Variants in LRP8 observed in about 807,000 individuals in gnomAD.
LRP8 encodes low-density lipoprotein receptor-related protein 8.
Under a neutral mutation model 111.6 loss-of-function variants are expected in LRP8, and 46 were observed. The observed-to-expected ratio is 0.41, with a 90% CI of 0.33 to 0.53. The LOEUF (loss-of-function observed/expected upper bound fraction) is 0.53, where lower values mean the gene tolerates loss of function less well. Ranked by LOEUF, LRP8 falls within the 20% of genes least tolerant of loss-of-function variation. LRP8 has a pLI of 0.20. For synonymous variants in LRP8, 464 were observed against 511.2 expected (o/e 0.91, Z 1.24); for missense variants, 959 against 1,297.4 (o/e 0.74, Z 4.01).
chr1:53,299,747 A>C (rs2782499), intron 2 of LRP8, among the ~76,000 whole-genome samples: 1 of 152,030 alleles, frequency 6.6e-6, no homozygotes, highest in African/African-American at 2.4e-5. Context: ...CTGAGAATGG[A>C]GTTAGCAATG....
rs1646885183 is a variant in LRP8, at chr1:53,275,352, A to G, written c.1006+279T>C. 6.6e-6 allele frequency among the ~76,000 whole-genome samples: 1 copy of G among 152,172 alleles called. No homozygotes were observed. Among genetic ancestry groups the G allele is most frequent in the Non-Finnish European group, 1.5e-5 (1 of 68,018 alleles). On this transcript the variant is annotated intron_variant, in intron 6 of 18. Coordinates refer to ENST00000306052, the MANE Select transcript of LRP8 (RefSeq NM_004631.5). The surrounding 1 kb of genome is among the most constrained non-coding windows in gnomAD (Gnocchi z 4.4). ...GAACTAGTGAGGGAAGCCACTCACC[A>G]GCTGGGACCTGGACAAGTGGTGGGG... is the stretch of plus-strand genomic sequence containing the variant.
intron 2 of LRP8, among the ~76,000 whole-genome samples, chr1:53,326,534 C>G (rs755462060): frequency 6.6e-6 from 1 of 152,274 alleles, no homozygotes; most frequent in Non-Finnish European, 1.5e-5. Flanking sequence ...CCGAGAGGGC[C>G]GTGTTTCGGG....
At chr1:53,272,578 C>T in intron 6 of LRP8, 1 of 1,291,030 alleles carries the variant, frequency 7.7e-7, no homozygotes, top group Non-Finnish European at 1.0e-6. Flanking sequence ...CCAGCCTGAG[C>T]CATGCTTAGG....
chr1:53,300,812 T>C (rs1202803969), intron 2 of LRP8, among the ~76,000 whole-genome samples: 1 of 152,128 alleles, frequency 6.6e-6, no homozygotes, highest in African/African-American at 2.4e-5. Flanking sequence ...TTCCAGACCG[T>C]CTCAGTAGTT....
intron 2 of LRP8, among the ~76,000 whole-genome samples, chr1:53,311,354 C>G (rs530725173): frequency 3.9e-5 from 6 of 152,256 alleles, no homozygotes; most frequent in African/African-American, 1.4e-4. Context: ...ACCCTTTGCC[C>G]ACTTTCTTGT....
Position 53,276,979 on chromosome 1 carries a change from C to T in LRP8, c.596G>A (p.Arg199His). The change falls in exon 5 of 19, where the codon CGC becomes CAC. Residue 199 changes from arginine (R) to histidine (H), a missense_variant. Arg to His is a conservative substitution (Grantham distance 29, BLOSUM62 0). Around this residue, in one of 3 missense-constraint regions of LRP8, gnomAD observed 819 missense variants for 1,097.6 expected, o/e 0.75. Transcript: ENST00000306052. ...CCCGCAGGCCGGGTCTGCACAGCCG[C>T]GCTCATCGCTGCCGTCACCACAGTC... The part of the protein sequence containing the change: ...DDDCGDGSDE[R>H]GCADPACGPR... 1.3e-6 allele frequency: 2 copies of T among 1,509,530 alleles called. No individual in the cohort carries two copies. The highest frequency in any genetic ancestry group is 1.8e-6 in the Non-Finnish European group (2 of 1,132,352). The allele number at this position is 1,509,530 out of a possible 1,614,324, so 93.5% of individuals were successfully genotyped here.
chr1:53,308,433 G>A (rs1395174217), intron 2 of LRP8, among the ~76,000 whole-genome samples: 1 of 152,190 alleles, frequency 6.6e-6, no homozygotes, highest in African/African-American at 2.4e-5. Context: ...AGCATCACTG[G>A]CCCTCCAGGT....
chr1:53,315,572 G>A (rs532843997), intron 2 of LRP8, among the ~76,000 whole-genome samples: 118 of 152,298 alleles, frequency 7.7e-4, no homozygotes, highest in Non-Finnish European at 1.3e-3. Context: ...GACCCCAGGC[G>A]GCCTGGTAGG....
Position 53,246,986 on chromosome 1 carries a change from T to G in LRP8, c.*32A>C, listed in dbSNP as rs1645745789. ...CCAGAGTGTAGTGCATGGGACTGAA[T>G]TCCATGAGGCACGAAGGGGGTGATC... On this transcript the variant is annotated 3_prime_UTR_variant, in exon 19 of 19. Coordinates refer to ENST00000306052, the MANE Select transcript of LRP8 (RefSeq NM_004631.5). 1 of 1,601,986 alleles carries G rather than the reference T, an allele frequency of 6.2e-7. No homozygotes were observed. Among genetic ancestry groups the G allele is most frequent in the African/African-American group, 1.3e-5 (1 of 74,478 alleles).
intron 8 of LRP8, among the ~76,000 whole-genome samples, chr1:53,270,079 G>T (rs548573651): frequency 2.6e-5 from 4 of 152,180 alleles, no homozygotes; most frequent in African/African-American, 9.7e-5. Context: ...TACAGTGTCT[G>T]TGTGGGTGTT....
intron 3 of LRP8, among the ~76,000 whole-genome samples, chr1:53,281,942 G>T (rs1291034303): frequency 1.3e-5 from 2 of 152,214 alleles, no homozygotes; most frequent in Non-Finnish European, 2.9e-5. Flanking sequence ...CTAAGTTCTG[G>T]TCACAGAGCT....
At position 53,243,058 on chromosome 1, in the gene LRP8, T is replaced by C. The variant is rs1382458473; in HGVS notation, c.*3960A>G. 6.6e-6 allele frequency: 1 copy of C among 152,092 alleles called. No individual in the cohort carries two copies. The highest frequency in any genetic ancestry group is 1.5e-5 in the Non-Finnish European group (1 of 68,014). The allele number at this position is 152,092 out of a possible 1,614,324, so 9.4% of individuals were successfully genotyped here. On this transcript the variant is annotated 3_prime_UTR_variant, in exon 19 of 19. Transcript: ENST00000306052. The stretch of plus-strand genomic sequence containing the variant: ...AATTCTCCATACCCTAAAAATACAG[T>C]GTGAGAAGTCTGTTACTCTATCTTC...
intron 2 of LRP8, among the ~76,000 whole-genome samples, chr1:53,315,935 C>T (rs1337370194): frequency 6.6e-6 from 1 of 152,092 alleles, no homozygotes; most frequent in African/African-American, 2.4e-5. Flanking sequence ...GTGGGAGAGA[C>T]CAAGGGCCAG....
chr1:53,272,732 A>G, intron 6 of LRP8: 4 of 1,196,996 alleles, frequency 3.3e-6, no homozygotes, highest in Non-Finnish European at 4.4e-6. Flanking sequence ...AGACCCTTGG[A>G]GGTGGGCTGA....
intron 2 of LRP8, among the ~76,000 whole-genome samples, chr1:53,302,856 A>ATTTTTTTTTTTTTTTTTTTT (rs769628078): frequency 1.6e-5 from 2 of 126,600 alleles, no homozygotes; most frequent in Non-Finnish European, 3.2e-5. Context: ...CACCCAGCTA[A>ATTTTTTTTTTTTTTTTTTTT]TTTTTTTTTT....
chr1:53,305,753 A>G (rs575002286), intron 2 of LRP8: 6 of 152,140 alleles, frequency 3.9e-5, no homozygotes, highest in African/African-American at 1.4e-4. Flanking sequence ...CTGCACCTCC[A>G]CCCCTGCCCC....
chr1:53,283,280 G>A (rs923682017), intron 3 of LRP8, among the ~76,000 whole-genome samples: 4 of 152,064 alleles, frequency 2.6e-5, no homozygotes, highest in African/African-American at 9.7e-5. Flanking sequence ...GGAAACTGCC[G>A]GTGCCTTGAT....
intron 3 of LRP8, among the ~76,000 whole-genome samples, chr1:53,281,892 GTATT>G (rs1647124366): frequency 6.6e-6 from 1 of 152,216 alleles, no homozygotes; most frequent in Non-Finnish European, 1.5e-5. Flanking sequence ...TATTCACTGA[GTATT>G]TGAGCACTGC....
rs895008294 is a variant in LRP8 at position 53,244,184 on chromosome 1, G to T, written c.*2834C>A. 1 of 152,230 alleles carries T rather than the reference G, an allele frequency of 6.6e-6. No individual in the cohort carries two copies. The highest frequency in any genetic ancestry group is 1.9e-4 in the East Asian group (1 of 5,206). The allele number at this position is 152,230 out of a possible 1,614,324, so 9.4% of individuals were successfully genotyped here. ...AGAAGGCATTTCAGTTAGTGCCTTT[G>T]TAATTCCACTGGAGGAAAGGTAGAC... On this transcript the variant is annotated 3_prime_UTR_variant, in exon 19 of 19. Coordinates refer to ENST00000306052, the MANE Select transcript of LRP8 (RefSeq NM_004631.5).
Sources: gnomAD v4.1 joint callset for allele counts (sites outside exome capture counted in the v4.1 genomes callset) on GRCh38, gnomAD v4.1.1 for gene constraint, gnomAD v4.1.1 regional missense constraint, Gnocchi (gnomAD v3.1) non-coding constraint, MANE v1.5 for transcripts, NCBI Gene and HGNC (gene_info 2026-07-23, HGNC 2026-07-21) for gene names.